INTS7: variants seen among roughly 807,000 people sequenced by gnomAD.
The protein encoded by INTS7 is chromosome 1 open reading frame 73.
A neutral mutation model predicts 109.2 loss-of-function variants in INTS7; 46 were observed. That is an observed-to-expected ratio of 0.42 (90% CI 0.33 to 0.54). The LOEUF is 0.54. Ranked by LOEUF, INTS7 falls within the 20% of genes least tolerant of loss-of-function variation. INTS7 has a pLI of 0.07. For missense variants in INTS7, 929 were observed against 1,132.4 expected, an observed-to-expected ratio of 0.82 and a Z score of 2.58; for synonymous variants, 412 against 402.9, an observed-to-expected ratio of 1.02 and a Z score of -0.27.
chr1:212,016,052 GT>G (rs1423035069), intron 4 of INTS7, among the ~76,000 whole-genome samples: 1 of 151,912 alleles, frequency 6.6e-6, no homozygotes, highest in Admixed American at 6.6e-5. Flanking sequence ...AAAAACATTG[GT>G]TTTAAGTTGT....
At chr1:212,014,936 A>G (rs554232903) in intron 4 of INTS7, among the ~76,000 whole-genome samples, 1 of 152,312 alleles carries the variant, frequency 6.6e-6, no homozygotes, top group South Asian at 2.1e-4. Context: ...CCCAAAGTGC[A>G]GCCTGTGCCC....
At chr1:211,961,444 T>C (rs965953506) in intron 16 of INTS7, among the ~76,000 whole-genome samples, 2 of 151,708 alleles carry the variant, frequency 1.3e-5, no homozygotes, top group Non-Finnish European at 2.9e-5. Flanking sequence ...TTTTTTTTTT[T>C]CCTGAGATGG....
chr1:211,940,668 A>T lies in INTS7; in HGVS notation c.*1156T>A, dbSNP rs997552412. Reference sequence around the variant, plus strand: ...TAGGAAAAAAGGGGGTTTTCTGGCTAACCAGAAAACTCTGTTCCCTGAGCA... The same window carrying T: ...TAGGAAAAAAGGGGGTTTTCTGGCTTACCAGAAAACTCTGTTCCCTGAGCA... On this transcript the variant is annotated 3_prime_UTR_variant, in exon 20 of 20. Coordinates refer to ENST00000366994, the MANE Select transcript of INTS7 (RefSeq NM_015434.4). 16 of 152,208 alleles carry T rather than the reference A, an allele frequency of 1.1e-4. No homozygotes were observed. Among genetic ancestry groups the T allele is most frequent in the African/African-American group, 3.6e-4 (15 of 41,464 alleles). 9.4% of individuals were successfully genotyped at this position (152,208 alleles called of 1,614,324 possible).
intron 5 of INTS7, among the ~76,000 whole-genome samples, chr1:212,009,681 C>T (rs1439442768): frequency 6.6e-6 from 1 of 152,158 alleles, no homozygotes; most frequent in Non-Finnish European, 1.5e-5. Context: ...GTGAATGGTT[C>T]CTTTATTACA....
intron 13 of INTS7, among the ~76,000 whole-genome samples, chr1:211,972,574 C>T (rs1413657521): frequency 2.0e-5 from 3 of 152,186 alleles, no homozygotes; most frequent in African/African-American, 7.2e-5. Context: ...ACTAAACCTA[C>T]AACATCTTTT....
chr1:211,941,777 G>A lies in INTS7; in HGVS notation c.*47C>T. The A allele has an allele frequency of 6.3e-7, 1 of 1,578,152 alleles. No homozygotes were observed. The highest frequency in any genetic ancestry group is 8.6e-7 in the Non-Finnish European group (1 of 1,162,440). ...CATATGAAAAACCAAACTGTTTCTGGCAATTTGATTGATCTCTTGAGAGTC... is the reference window on the plus strand; with the variant it reads ...CATATGAAAAACCAAACTGTTTCTGACAATTTGATTGATCTCTTGAGAGTC... On this transcript the variant is annotated 3_prime_UTR_variant, in exon 20 of 20. Coordinates refer to ENST00000366994, the MANE Select transcript of INTS7 (RefSeq NM_015434.4).
intron 7 of INTS7, among the ~76,000 whole-genome samples, chr1:211,996,320 G>C (rs2102451598): frequency 6.6e-6 from 1 of 152,236 alleles, no homozygotes; most frequent in East Asian, 1.9e-4. Context: ...TACTCAGGAG[G>C]CTGAGACAGG....
At chr1:211,987,155 GC>G (rs1664927995) in intron 8 of INTS7, among the ~76,000 whole-genome samples, 1 of 152,122 alleles carries the variant, frequency 6.6e-6, no homozygotes, top group South Asian at 2.1e-4. Flanking sequence ...AAATTAGCCA[GC>G]CATGGTGGCG....
chr1:211,992,565 C>A lies in INTS7; in HGVS notation c.880-4562G>T, dbSNP rs1463889273. 2.6e-5 allele frequency among the ~76,000 whole-genome samples: 4 copies of A among 152,044 alleles called. No individual in the cohort carries two copies. The East Asian group carries it at 7.7e-4, about 29-fold the overall frequency. ...AGGTGTGGTGGGGCGCATCTGTAGT[C>A]CTAGCTACTTGGGAGGCTGAGATGG... On this transcript the variant is annotated intron_variant, in intron 7 of 19. Transcript: ENST00000366994.
At chr1:211,987,233 G>C (rs1048193759) in intron 8 of INTS7, among the ~76,000 whole-genome samples, 32 of 151,930 alleles carry the variant, frequency 2.1e-4, no homozygotes, top group Admixed American at 2.1e-3. Context: ...GGAGGTGGGG[G>C]TTGTAGTAAG....
Position 211,982,753 on chromosome 1 carries a change from C to T in INTS7, c.1055G>A (p.Cys352Tyr), listed in dbSNP as rs1337767322. Residue 352 changes from cysteine to tyrosine, a missense_variant, in exon 9 of 20, where the codon TGT becomes TAT. Physicochemically the swap from Cys to Tyr is radical, Grantham distance 194. Coordinates refer to ENST00000366994, the MANE Select transcript of INTS7 (RefSeq NM_015434.4). ...SDLVKLAQEC[C>Y]YHNNRGIAAH... ...TGCAATGCCCCTGTTATTATGGTAA[C>T]AGCACTCTTGGGCTAATTTGACTAA... The T allele has an allele frequency of 7.4e-6, 12 of 1,611,102 alleles. No individual in the cohort carries two copies. The highest frequency in any genetic ancestry group is 1.0e-5 in the Non-Finnish European group (12 of 1,177,742).
chr1:212,017,287 C>T (rs942159128), intron 3 of INTS7, among the ~76,000 whole-genome samples: 3 of 152,196 alleles, frequency 2.0e-5, no homozygotes, highest in Non-Finnish European at 4.4e-5. Flanking sequence ...AGGTACCAAA[C>T]AGCCCAGGAA....
chr1:211,996,118 G>C (rs1368255681), intron 7 of INTS7, among the ~76,000 whole-genome samples: 1 of 152,150 alleles, frequency 6.6e-6, no homozygotes, highest in Non-Finnish European at 1.5e-5. Flanking sequence ...AGTCAACAGA[G>C]CTTATAGAAA....
intron 7 of INTS7, among the ~76,000 whole-genome samples, chr1:212,000,260 C>T (rs1665607600): frequency 6.6e-6 from 1 of 152,096 alleles, no homozygotes; most frequent in Non-Finnish European, 1.5e-5. Context: ...AAATGGGAAA[C>T]AAATGACCAA....
intron 1 of INTS7, 78 bp downstream of exon 1, chr1:212,035,266 C>T: frequency 5.1e-6 from 5 of 980,380 alleles, no homozygotes; most frequent in Non-Finnish European, 8.2e-6. Context: ...TATCCGTCTT[C>T]TCCCAAAGCA....
chr1:212,010,718 C>A (rs1030558651), intron 5 of INTS7, among the ~76,000 whole-genome samples: 1 of 152,164 alleles, frequency 6.6e-6, no homozygotes, highest in African/African-American at 2.4e-5. Context: ...CATTTTGTTA[C>A]AATTGCCTAT....
chr1:211,976,282 G>A (rs1315183546), intron 12 of INTS7, among the ~76,000 whole-genome samples: 1 of 152,194 alleles, frequency 6.6e-6, no homozygotes, highest in Non-Finnish European at 1.5e-5. Flanking sequence ...GATAGAAACA[G>A]CGGGTGGTAG....
chr1:212,000,105 A>G (rs894854539), intron 7 of INTS7, among the ~76,000 whole-genome samples: 4 of 152,306 alleles, frequency 2.6e-5, no homozygotes, highest in East Asian at 1.9e-4. Context: ...ACTCTGTCTC[A>G]AAGAAAAAAA....
intron 7 of INTS7, among the ~76,000 whole-genome samples, chr1:212,004,769 A>G (rs945988912): frequency 1.3e-5 from 2 of 152,248 alleles, no homozygotes; most frequent in African/African-American, 2.4e-5. Context: ...TAGCCATGTC[A>G]TAAGAGAAAA....
Sources: gnomAD v4.1 joint callset for allele counts (sites outside exome capture counted in the v4.1 genomes callset) on GRCh38, gnomAD v4.1.1 for gene constraint, MANE v1.5 for transcripts, NCBI Gene and HGNC (gene_info 2026-07-23, HGNC 2026-07-21) for gene names.